The following NDST4 variants were observed in gnomAD, a reference collection of about 807,000 sequenced individuals.
NDST4 encodes N-heparan sulfate sulfotransferase 4.
NDST4 carries 63 observed loss-of-function variants against 100.8 expected under a neutral mutation model. The observed-to-expected ratio is 0.62, with a 90% CI of 0.51 to 0.77. NDST4 has a LOEUF of 0.77. NDST4 is among the 30% of genes least tolerant of loss of function. The pLI is 0.00. For synonymous variants in NDST4, 377 were observed against 361.8 expected (o/e 1.04, Z -0.48); for missense variants, 943 against 1,018.4 (o/e 0.93, Z 1.01).
chr4:114,937,648 C>T (rs902946112), intron 4 of NDST4, 145 bp from the exon 5 acceptor site: 10 of 620,446 alleles, frequency 1.6e-5, no homozygotes, highest in Admixed American at 3.5e-5. Flanking sequence ...GTTTTATCTT[C>T]GAGCAGCTCA....
At chr4:114,973,778 G>T (rs1244601364) in intron 3 of NDST4, among the ~76,000 whole-genome samples, 1 of 151,490 alleles carries the variant, frequency 6.6e-6, no homozygotes, top group Non-Finnish European at 1.5e-5. Context: ...TTTCTCTTTT[G>T]TAAAAATTTC....
intron 1 of NDST4, among the ~76,000 whole-genome samples, chr4:115,077,860 G>A (rs1255159149): frequency 6.6e-6 from 1 of 152,136 alleles, no homozygotes; most frequent in Non-Finnish European, 1.5e-5. Flanking sequence ...AGATACATAG[G>A]ACTGCTCCTT....
chr4:114,960,900 T>C (rs1453525864), intron 4 of NDST4, among the ~76,000 whole-genome samples: 1 of 152,156 alleles, frequency 6.6e-6, no homozygotes. Context: ...TTTCAAGTTT[T>C]AAAAACATAA....
At chr4:114,900,243 G>A (rs573168936) in intron 6 of NDST4, among the ~76,000 whole-genome samples, 24 of 151,612 alleles carry the variant, frequency 1.6e-4, no homozygotes, top group Non-Finnish European at 3.4e-4. Context: ...CGTAACTATA[G>A]GCGTATTACT....
At chr4:114,844,407 T>TC (rs1372802179) in intron 10 of NDST4, among the ~76,000 whole-genome samples, 2 of 152,202 alleles carry the variant, frequency 1.3e-5, no homozygotes, top group Non-Finnish European at 2.9e-5. Flanking sequence ...CCTATAGGTC[T>TC]CTACCTAGGA....
At chr4:114,991,278 C>T (rs937674210) in intron 2 of NDST4, among the ~76,000 whole-genome samples, 1 of 151,992 alleles carries the variant, frequency 6.6e-6, no homozygotes, top group South Asian at 2.1e-4. Flanking sequence ...TGAAAGTCAG[C>T]CAAAGTAATT....
At chr4:115,057,286 A>T (rs559306376) in intron 2 of NDST4, among the ~76,000 whole-genome samples, 5 of 152,230 alleles carry the variant, frequency 3.3e-5, no homozygotes, top group Non-Finnish European at 5.9e-5. Flanking sequence ...GTAACAGATT[A>T]TTTCAAACTG....
intron 6 of NDST4, among the ~76,000 whole-genome samples, chr4:114,901,611 C>T (rs1166883419): frequency 6.6e-6 from 1 of 151,834 alleles, no homozygotes; most frequent in Non-Finnish European, 1.5e-5. Context: ...ACTTGATGTA[C>T]TTAGACTATT....
In NDST4 at chr4:114,899,726, T is replaced by A. The variant is rs142905889; in HGVS notation, c.1537-28776A>T. On this transcript the variant is annotated intron_variant, in intron 6 of 13. Coordinates refer to ENST00000264363, the MANE Select transcript of NDST4 (RefSeq NM_022569.3). ...TGGTCTTTTTATACATTGTTGGATT[T>A]AATTTCCTAATATTTTGCTGATAAT... 7.2e-3 allele frequency among the ~76,000 whole-genome samples: 1,101 copies of A among 152,318 alleles called. 8 individuals are homozygous for A. Among genetic ancestry groups the A allele is most frequent in the South Asian group, 0.012 (56 of 4,830 alleles).
At chr4:115,006,699 G>A (rs182014473) in intron 2 of NDST4, among the ~76,000 whole-genome samples, 11 of 152,090 alleles carry the variant, frequency 7.2e-5, no homozygotes, top group Admixed American at 7.2e-4. Flanking sequence ...ACCCAGAAGT[G>A]GTATATATAA....
At chr4:114,979,542 T>G (rs2126245311) in intron 2 of NDST4, among the ~76,000 whole-genome samples, 1 of 151,998 alleles carries the variant, frequency 6.6e-6, no homozygotes, top group East Asian at 2.0e-4. Context: ...AGTAACATTT[T>G]TCCAATGGTA....
chr4:114,893,409 G>A (rs1578370614), intron 6 of NDST4, among the ~76,000 whole-genome samples: 1 of 152,008 alleles, frequency 6.6e-6, no homozygotes, highest in Non-Finnish European at 1.5e-5. Context: ...AGTGTCTATT[G>A]TTTCCTGACT....
chr4:114,936,839 C>T (rs887214637), intron 5 of NDST4, among the ~76,000 whole-genome samples: 1 of 152,074 alleles, frequency 6.6e-6, no homozygotes, highest in African/African-American at 2.4e-5. Flanking sequence ...CTTTTGAGTG[C>T]CTGAAAGCCA....
intron 6 of NDST4, among the ~76,000 whole-genome samples, chr4:114,890,839 A>G (rs1396163802): frequency 6.6e-6 from 1 of 152,084 alleles, no homozygotes; most frequent in Non-Finnish European, 1.5e-5. Context: ...CACTTTGCCT[A>G]CAATCATATA....
chr4:115,063,480 C>A (rs886642122), intron 2 of NDST4, among the ~76,000 whole-genome samples: 1 of 151,834 alleles, frequency 6.6e-6, no homozygotes, highest in Non-Finnish European at 1.5e-5. Context: ...TTTCAGGGCA[C>A]CATGTGTATT....
intron 1 of NDST4, among the ~76,000 whole-genome samples, chr4:115,099,875 C>G (rs907886785): frequency 6.6e-6 from 1 of 152,048 alleles, no homozygotes; most frequent in African/African-American, 2.4e-5. Context: ...TTTATTGCAG[C>G]TTTATTTATA....
intron 2 of NDST4, among the ~76,000 whole-genome samples, chr4:115,073,817 T>G (rs141267654): frequency 3.0e-4 from 46 of 152,100 alleles, no homozygotes; most frequent in African/African-American, 9.1e-4. Flanking sequence ...CAAAAAATGA[T>G]AAGTATCTGG....
At chr4:115,025,885 T>C (rs959392833) in intron 2 of NDST4, among the ~76,000 whole-genome samples, 5 of 152,292 alleles carry the variant, frequency 3.3e-5, no homozygotes, top group South Asian at 2.1e-4. Context: ...TCTTTATAGA[T>C]GGAATCATTT....
intron 2 of NDST4, among the ~76,000 whole-genome samples, chr4:114,986,797 T>C (rs1449335503): frequency 0.019 from 309 of 16,342 alleles, 3 homozygotes; most frequent in African/African-American, 0.047. Flanking sequence ...ATTATACATA[T>C]ATATATATAT....
Sources: gnomAD v4.1 joint callset for allele counts (sites outside exome capture counted in the v4.1 genomes callset) on GRCh38, gnomAD v4.1.1 for gene constraint, MANE v1.5 for transcripts, NCBI Gene and HGNC (gene_info 2026-07-23, HGNC 2026-07-21) for gene names.